Variants in MTRF1L observed in about 807,000 individuals in gnomAD.
MTRF1L encodes the protein mitochondrial translation release factor 1 like, also known as peptide chain release factor 1-like, mitochondrial.
Under a neutral mutation model 40.0 loss-of-function variants are expected in MTRF1L, and 29 were observed. The observed-to-expected ratio is 0.73, with a 90% CI of 0.54 to 0.99. The LOEUF is 0.99. Ranked by LOEUF, MTRF1L falls within the 50% of genes least tolerant of loss-of-function variation. The probability of loss-of-function intolerance (pLI) is 0.00; values close to 1 mark genes in which losing one functional copy is unlikely to be tolerated. For missense variants in MTRF1L, 412 were observed against 464.5 expected, an observed-to-expected ratio of 0.89 and a Z score of 1.04; for synonymous variants, 150 against 175.8, an observed-to-expected ratio of 0.85 and a Z score of 1.16.
chr6:152,989,841 G>A lies in MTRF1L; in HGVS notation c.*54C>T. On this transcript the variant is annotated 3_prime_UTR_variant, in exon 7 of 7. Coordinates refer to ENST00000367233, the MANE Select transcript of MTRF1L (RefSeq NM_019041.7). The stretch of plus-strand genomic sequence containing the variant: ...GAGTAAGGGTACTTTCACCCTATGT[G>A]GATGTACTGTAGAATTTTTCTAAGC... 1.3e-6 allele frequency: 2 copies of A among 1,531,406 alleles called. No homozygotes were observed. Among genetic ancestry groups the A allele is most frequent in the African/African-American group, 1.4e-5 (1 of 71,266 alleles). The allele number at this position is 1,531,406 out of a possible 1,614,324, so 94.9% of individuals were successfully genotyped here. A position where few individuals can be genotyped will look rare whatever the true frequency, so the allele number is the denominator to read the frequency against.
chr6:152,989,882 A>G lies in MTRF1L; in HGVS notation c.*13T>C. On this transcript the variant is annotated 3_prime_UTR_variant, in exon 7 of 7. Coordinates refer to ENST00000367233, the MANE Select transcript of MTRF1L (RefSeq NM_019041.7). ...TTTTCTAAGCTACGAAAGTCTATAA[A>G]TAACAAATCAACTTAAACTTTTTGG... 3.1e-6 allele frequency: 5 copies of G among 1,602,058 alleles called. No homozygotes were observed. Among genetic ancestry groups the G allele is most frequent in the Non-Finnish European group, 4.3e-6 (5 of 1,176,048 alleles).
intron 4 of MTRF1L, 148 bp downstream of exon 4, chr6:152,994,365 T>C: frequency 1.3e-6 from 1 of 770,684 alleles, no homozygotes; most frequent in Non-Finnish European, 2.0e-6. Flanking sequence ...CATTATAAAA[T>C]TATATTTTTT....
At chr6:152,998,739 G>A (rs1778806449) in intron 1 of MTRF1L, 110 bp from the exon 2 acceptor site, 4 of 602,078 alleles carry the variant, frequency 6.6e-6, no homozygotes, top group Non-Finnish European at 1.1e-5. Flanking sequence ...AAAATAAAAT[G>A]TATATCTTGT....
Position 152,988,263 on chromosome 6 carries a change from C to G in MTRF1L, c.*1632G>C, listed in dbSNP as rs1313488768. 1.1e-5 allele frequency: 1 copy of G among 94,200 alleles called. No homozygotes were observed. The highest frequency in any genetic ancestry group is 1.1e-4 in the Admixed American group (1 of 8,772). The allele number at this position is 94,200 out of a possible 1,614,324, so 5.8% of individuals were successfully genotyped here. ...CAGTCCTAAGAGAATCCCTCATGGC[C>G]TAGTGATCTCTTAAAGACCCCACCT... is the stretch of plus-strand genomic sequence containing the variant. On this transcript the variant is annotated 3_prime_UTR_variant, in exon 7 of 7. Coordinates refer to ENST00000367233, the MANE Select transcript of MTRF1L (RefSeq NM_019041.7).
chr6:152,997,840 T>G (rs913178050), intron 2 of MTRF1L, among the ~76,000 whole-genome samples: 1 of 152,184 alleles, frequency 6.6e-6, no homozygotes, highest in African/African-American at 2.4e-5. Flanking sequence ...CAGTCCTTAT[T>G]TGGCTCCTCC....
In MTRF1L at chr6:152,994,397, CA is replaced by C. The variant is rs1293096408; in HGVS notation, c.687+115del. On this transcript the variant is annotated intron_variant, in intron 4 of 6. Transcript: ENST00000367233. ...TTTTAGACTGAGATAATATGCAACT[CA>C]AAATACACAAGGAAGACCAAATAGA... is the stretch of plus-strand genomic sequence containing the variant. 4.5e-5 allele frequency: 50 copies of C among 1,109,810 alleles called. No homozygotes were observed. The African/African-American group carries it at 7.6e-4, about 17-fold the overall frequency. The allele number at this position is 1,109,810 out of a possible 1,614,324, so 68.7% of individuals were successfully genotyped here.
In MTRF1L at chr6:152,998,603, C is replaced by T; in HGVS notation, c.286G>A (p.Ala96Thr). The change falls in exon 2 of 7, where the codon GCA becomes ACA. Residue 96 changes from alanine to threonine, a missense_variant. Ala to Thr is a moderately conservative substitution (Grantham distance 58). Transcript: ENST00000367233. The part of the protein sequence containing the change: ...HDENEDLRKL[A>T]ENEITLCQKE... ...TGACACAAAGTGATTTCATTCTCTGCAAGTTTCCTTAAATCTTCATTCTCA... is the reference window on the plus strand; with the variant it reads ...TGACACAAAGTGATTTCATTCTCTGTAAGTTTCCTTAAATCTTCATTCTCA... 6.3e-7 allele frequency: 1 copy of T among 1,596,894 alleles called. No homozygotes were observed. The highest frequency in any genetic ancestry group is 1.8e-5 in the Admixed American group (1 of 56,416).
intron 1 of MTRF1L, among the ~76,000 whole-genome samples, chr6:152,999,838 T>C (rs547276430): frequency 1.3e-5 from 2 of 152,340 alleles, no homozygotes; most frequent in African/African-American, 4.8e-5. Context: ...CTTGGGTATG[T>C]CTTTATCAGC....
chr6:152,993,075 A>G, intron 4 of MTRF1L, 101 bp from the exon 5 acceptor site: 1 of 849,674 alleles, frequency 1.2e-6, no homozygotes, highest in Non-Finnish European at 1.9e-6. Context: ...CAGAATTCAT[A>G]TATTTGGGAG....
At chr6:152,992,539 A>T (rs192578605) in intron 5 of MTRF1L, among the ~76,000 whole-genome samples, 1 of 152,288 alleles carries the variant, frequency 6.6e-6, no homozygotes, top group East Asian at 1.9e-4. Context: ...TCTGATAAAG[A>T]ACCCATGATA....
At chr6:152,997,742 C>G (rs1778761779) in intron 2 of MTRF1L, among the ~76,000 whole-genome samples, 1 of 152,150 alleles carries the variant, frequency 6.6e-6, no homozygotes, top group South Asian at 2.1e-4. Flanking sequence ...CACCAGAGTC[C>G]TCTCCTACAC....
chr6:152,988,294 T>A lies in MTRF1L; in HGVS notation c.*1601A>T, dbSNP rs1399165265. On this transcript the variant is annotated 3_prime_UTR_variant, in exon 7 of 7. Coordinates refer to ENST00000367233, the MANE Select transcript of MTRF1L (RefSeq NM_019041.7). ...ATCTCTTAAAGACCCCACCTCTTGATGCTGTCACATTGGCAACACTTGAAT... is the reference window on the plus strand; with the variant it reads ...ATCTCTTAAAGACCCCACCTCTTGAAGCTGTCACATTGGCAACACTTGAAT... 1.1e-5 allele frequency: 1 copy of A among 94,518 alleles called. No homozygotes were observed. Among genetic ancestry groups the A allele is most frequent in the East Asian group, 2.6e-4 (1 of 3,904 alleles). 5.9% of individuals were successfully genotyped at this position (94,518 alleles called of 1,614,324 possible). A position where few individuals can be genotyped will look rare whatever the true frequency, so the allele number is the denominator to read the frequency against.
chr6:152,990,215 T>C, intron 6 of MTRF1L, 120 bp from the exon 7 acceptor site: 1 of 1,321,220 alleles, frequency 7.6e-7, no homozygotes, highest in Admixed American at 2.8e-5. Flanking sequence ...GAGAACCAGG[T>C]TTTAAACACT....
intron 5 of MTRF1L, 51 bp from the exon 6 acceptor site, chr6:152,991,372 CTTA>C (rs769076883): frequency 8.0e-6 from 12 of 1,496,346 alleles, no homozygotes; most frequent in Non-Finnish European, 1.1e-5. Flanking sequence ...ATCTTCTTTA[CTTA>C]TTATCAAGGA....
Position 153,002,641 on chromosome 6 carries a change from G to A in MTRF1L, c.45C>T (p.Pro15=), listed in dbSNP as rs1424381221. The change falls in exon 1 of 7, where the codon CCC becomes CCT. Residue 15 remains proline, a synonymous_variant. Transcript: ENST00000367233. ...VLWGAARWLW[P]RRAVGPARRP... ...GGCGGGCTGGGCCAACGGCCCGGCG[G>A]GGCCAGAGCCACCGGGCAGCGCCCC... The A allele has an allele frequency of 6.6e-7, 1 of 1,517,042 alleles. No homozygotes were observed. Among genetic ancestry groups the A allele is most frequent in the African/African-American group, 1.4e-5 (1 of 71,344 alleles). The allele number at this position is 1,517,042 out of a possible 1,614,324, so 94.0% of individuals were successfully genotyped here. A position where few individuals can be genotyped will look rare whatever the true frequency, so the allele number is the denominator to read the frequency against.
chr6:152,997,993 C>T (rs1399270803), intron 2 of MTRF1L, among the ~76,000 whole-genome samples: 1 of 151,932 alleles, frequency 6.6e-6, no homozygotes, highest in Non-Finnish European at 1.5e-5. Context: ...GGTATATCAC[C>T]TTTTTGCTTA....
chr6:152,994,492 G>A, intron 4 of MTRF1L, 21 bp downstream of exon 4: 5 of 1,587,932 alleles, frequency 3.1e-6, no homozygotes, highest in Non-Finnish European at 4.3e-6. Context: ...GGGATTCCAA[G>A]GAGAGGGGCT....
Position 152,989,765 on chromosome 6 carries a change from T to C in MTRF1L, c.*130A>G. On this transcript the variant is annotated 3_prime_UTR_variant, in exon 7 of 7. Coordinates refer to ENST00000367233, the MANE Select transcript of MTRF1L (RefSeq NM_019041.7). ...GAGATCTGTGTAAATTATCTATGAC[T>C]TCAGAATATGCATATTACCTCCAAC... 1.9e-6 allele frequency: 2 copies of C among 1,047,372 alleles called. No individual in the cohort carries two copies. The highest frequency in any genetic ancestry group is 2.7e-6 in the Non-Finnish European group (2 of 750,508). The allele number at this position is 1,047,372 out of a possible 1,614,324, so 64.9% of individuals were successfully genotyped here. A position where few individuals can be genotyped will look rare whatever the true frequency, so the allele number is the denominator to read the frequency against.
intron 1 of MTRF1L, among the ~76,000 whole-genome samples, chr6:152,999,619 G>T (rs1778839667): frequency 6.6e-6 from 1 of 152,086 alleles, no homozygotes; most frequent in Admixed American, 6.5e-5. Context: ...GAATCATGGG[G>T]GCAGATATTT....
Sources: gnomAD v4.1 joint callset for allele counts (sites outside exome capture counted in the v4.1 genomes callset) on GRCh38, gnomAD v4.1.1 for gene constraint, MANE v1.5 for transcripts, NCBI Gene and HGNC (gene_info 2026-07-23, HGNC 2026-07-21) for gene names.